EXOC3: variants seen among roughly 807,000 people sequenced by gnomAD.
EXOC3 encodes exocyst complex component 3.
Under a neutral mutation model 73.7 loss-of-function variants are expected in EXOC3, and 21 were observed. The ratio of observed to expected loss-of-function variants is 0.29; its 90% CI spans 0.20 to 0.41. EXOC3 has a LOEUF of 0.41. EXOC3 is among the 10% of genes least tolerant of loss of function. EXOC3 has a pLI of 1.00. For synonymous variants in EXOC3, 410 were observed against 389.1 expected (o/e 1.05, Z -0.63); for missense variants, 842 against 985.1 (o/e 0.85, Z 1.95).
rs1738171735 is a variant in EXOC3, at chr5:466,981, G to A, written c.*83G>A. On this transcript the variant is annotated 3_prime_UTR_variant, in exon 13 of 13. Coordinates refer to ENST00000512944, the MANE Select transcript of EXOC3 (RefSeq NM_007277.5). ...GCGGGACAGCTGATTGCTCTCCTTG[G>A]CCACACGTGCTCCTTTTAGCTGCAC... is the stretch of plus-strand genomic sequence containing the variant. 1 of 1,348,250 alleles carries A rather than the reference G, an allele frequency of 7.4e-7. No homozygotes were observed. Among genetic ancestry groups the A allele is most frequent in the Non-Finnish European group, 1.0e-6 (1 of 982,624 alleles). The allele number at this position is 1,348,250 out of a possible 1,614,324, so 83.5% of individuals were successfully genotyped here. A position where few individuals can be genotyped will look rare whatever the true frequency, so the allele number is the denominator to read the frequency against.
chr5:466,779 A>G lies in EXOC3; in HGVS notation c.2119A>G (p.Met707Val), dbSNP rs1738165364. ...LAVRGDASRD[M>V]KQTIMETLEQ... ...TGTGCGTGGGGACGCCAGCCGTGAC[A>G]TGAAGCAGACCATCATGGAGACCCT... The change falls in exon 13 of 13, where the codon ATG becomes GTG. Residue 707 changes from methionine to valine, a missense_variant. Transcript: ENST00000512944. 1.2e-6 allele frequency: 2 copies of G among 1,613,412 alleles called. No homozygotes were observed. The highest frequency in any genetic ancestry group is 1.3e-5 in the African/African-American group (1 of 75,050).
chr5:466,927 C>G lies in EXOC3; in HGVS notation c.*29C>G. ...CCGCCGGCCTGCCCTGCTCGCCCCTCCACAGCCTCGGTCCCTGCCTTTAGA... is the reference window on the plus strand; with the variant it reads ...CCGCCGGCCTGCCCTGCTCGCCCCTGCACAGCCTCGGTCCCTGCCTTTAGA... On this transcript the variant is annotated 3_prime_UTR_variant, in exon 13 of 13. Transcript: ENST00000512944. 1 of 1,565,930 alleles carries G rather than the reference C, an allele frequency of 6.4e-7. No homozygotes were observed. The highest frequency in any genetic ancestry group is 8.7e-7 in the Non-Finnish European group (1 of 1,154,666).
At chr5:466,289 G>A (rs911474279) in intron 12 of EXOC3, 1 of 242,258 alleles carries the variant, frequency 4.1e-6, no homozygotes, top group Non-Finnish European at 8.0e-6. Context: ...CAGGGAAGGG[G>A]ACCCACGCAC....
intron 3 of EXOC3, among the ~76,000 whole-genome samples, chr5:448,934 A>T (rs1031502943): frequency 6.6e-6 from 1 of 152,192 alleles, no homozygotes; most frequent in Non-Finnish European, 1.5e-5. Context: ...CTTCTTGGTG[A>T]CTGTGGGCCG....
At chr5:450,785 G>T (rs1201780195) in intron 3 of EXOC3, among the ~76,000 whole-genome samples, 1 of 148,316 alleles carries the variant, frequency 6.7e-6, no homozygotes, top group African/African-American at 2.5e-5. Context: ...CCTTCTTTGT[G>T]ACTAGTTTTT....
At chr5:445,638 G>A (rs1579730918) in intron 1 of EXOC3, among the ~76,000 whole-genome samples, 1 of 152,242 alleles carries the variant, frequency 6.6e-6, no homozygotes, top group African/African-American at 2.4e-5. Flanking sequence ...ACAGGCGTGA[G>A]CCACCGGGCC....
chr5:461,345 T>C (rs951045557), intron 7 of EXOC3, among the ~76,000 whole-genome samples: 2 of 152,244 alleles, frequency 1.3e-5, no homozygotes, highest in South Asian at 4.1e-4. Flanking sequence ...TCAGGCACGG[T>C]GGCTTACGCC....
At position 458,033 on chromosome 5, in the gene EXOC3, C is replaced by T. The variant is rs747973678; in HGVS notation, c.1290+8C>T. ...CCTGCCATTGTCTTCCAGGTACCAC[C>T]TGCAGGGGACTGGCACAGTTCCGTT... On this transcript the variant is annotated splice_region_variant and intron_variant, in intron 6 of 12. Coordinates refer to ENST00000512944, the MANE Select transcript of EXOC3 (RefSeq NM_007277.5). The T allele has an allele frequency of 6.2e-7, 1 of 1,611,542 alleles. No individual in the cohort carries two copies. Among genetic ancestry groups the T allele is most frequent in the Non-Finnish European group, 8.5e-7 (1 of 1,178,710 alleles).
At position 453,801 on chromosome 5, in the gene EXOC3, G is replaced by A. The variant is rs1462077005; in HGVS notation, c.796G>A (p.Asp266Asn). ...CACCAGAATTGAGGGCACACAGGCA[G>A]ATACCAGAGAGTCTGACAAGATGTG... ...VTTRIEGTQADTRESDKMWLV... is the reference protein window; with the variant it reads ...VTTRIEGTQANTRESDKMWLV... Residue 266 changes from aspartate to asparagine, a missense_variant, in exon 4 of 13, where the codon GAT becomes AAT. By Grantham distance (23) the Asp-to-Asn change is conservative. Transcript: ENST00000512944. 1.9e-6 allele frequency: 3 copies of A among 1,613,876 alleles called. No individual in the cohort carries two copies. The highest frequency in any genetic ancestry group is 2.2e-5 in the South Asian group (2 of 91,092).
chr5:466,578 C>G lies in EXOC3; in HGVS notation c.2067-149C>G. On this transcript the variant is annotated intron_variant, in intron 12 of 12. Coordinates refer to ENST00000512944, the MANE Select transcript of EXOC3 (RefSeq NM_007277.5). The stretch of plus-strand genomic sequence containing the variant: ...GTAAGATGAAAATGCAGGCTTGTCT[C>G]CCGCTGAAAAGGGAAAGGTGCAATT... The G allele has an allele frequency of 6.1e-6, 4 of 660,006 alleles. No homozygotes were observed. In the South Asian group the frequency reaches 8.7e-5, roughly 14 times the overall value. The allele number at this position is 660,006 out of a possible 1,614,324, so 40.9% of individuals were successfully genotyped here. A position where few individuals can be genotyped will look rare whatever the true frequency, so the allele number is the denominator to read the frequency against.
chr5:462,131 G>A (rs1738006275), intron 8 of EXOC3, 26 bp from the exon 9 acceptor site: 1 of 1,613,202 alleles, frequency 6.2e-7, no homozygotes, highest in Non-Finnish European at 8.5e-7. Flanking sequence ...CAGCCGCTGT[G>A]TTGAACCTGA....
At chr5:447,223 C>G (rs1737534310) in intron 2 of EXOC3, 1 of 249,804 alleles carries the variant, frequency 4.0e-6, no homozygotes, top group East Asian at 8.4e-5. Context: ...CGTAGCAGGC[C>G]ACGGCCCAGG....
At chr5:463,038 G>C (rs1738035303) in intron 9 of EXOC3, among the ~76,000 whole-genome samples, 1 of 152,196 alleles carries the variant, frequency 6.6e-6, no homozygotes, top group Admixed American at 6.5e-5. Flanking sequence ...CCGGGAGGTG[G>C]AGGTTGCAGT....
chr5:465,619 G>A, intron 11 of EXOC3, 99 bp from the exon 12 acceptor site: 2 of 1,459,126 alleles, frequency 1.4e-6, no homozygotes, highest in Non-Finnish European at 1.9e-6. Flanking sequence ...CAGGTGAAGA[G>A]GGAGGTTCCC....
rs201561285 is a variant in EXOC3, at chr5:446,269, C to A, written c.64C>A (p.Arg22Ser). 1 of 1,613,836 alleles carries A rather than the reference C, an allele frequency of 6.2e-7. No homozygotes were observed. The highest frequency in any genetic ancestry group is 1.7e-5 in the Admixed American group (1 of 60,004). The change falls in exon 2 of 13, where the codon CGC becomes AGC. Residue 22 changes from arginine to serine, a missense_variant. By Grantham distance (110) the Arg-to-Ser change is moderately radical. Coordinates refer to ENST00000512944, the MANE Select transcript of EXOC3 (RefSeq NM_007277.5). ...AVQRVAGMLQ[R>S]PDQLDKVEQY... is the part of the protein sequence containing the mutation. ...GCAAAGGGTTGCTGGGATGCTCCAG[C>A]GCCCGGACCAGCTGGACAAGGTGGA... is the stretch of plus-strand genomic sequence containing the variant.
rs369980106 is a variant in EXOC3 at position 446,195 on chromosome 5, G to C, written c.-11G>C. On this transcript the variant is annotated 5_prime_UTR_variant, in exon 2 of 13. Coordinates refer to ENST00000512944, the MANE Select transcript of EXOC3 (RefSeq NM_007277.5). ...CATGAACAGTGTGAGGATTCCACCA[G>C]CTTTTTCACCATGAAGGAGACAGAC... The C allele has an allele frequency of 1.3e-4, 214 of 1,613,934 alleles. No homozygotes were observed. Among genetic ancestry groups the C allele is most frequent in the Non-Finnish European group, 1.7e-4 (204 of 1,179,854 alleles).
intron 7 of EXOC3, among the ~76,000 whole-genome samples, chr5:460,693 A>G (rs942344350): frequency 6.6e-6 from 1 of 151,882 alleles, no homozygotes; most frequent in Admixed American, 6.6e-5. Flanking sequence ...CCAAGTCCCC[A>G]TTGGCCTTCT....
Position 456,979 on chromosome 5 carries a change from G to C in EXOC3, c.1137G>C (p.Leu379=). ...PLLSPHVVSE[L]LDTYMSTLTS... ...TTTCTCCACACGTGGTCTCTGAGCT[G>C]CTTGACACGTACATGTCCACGCTCA... Residue 379 remains leucine (L), a synonymous_variant, in exon 5 of 13, where the codon CTG becomes CTC. Coordinates refer to ENST00000512944, the MANE Select transcript of EXOC3 (RefSeq NM_007277.5). 6.2e-7 allele frequency: 1 copy of C among 1,613,880 alleles called. No homozygotes were observed. Among genetic ancestry groups the C allele is most frequent in the African/African-American group, 1.3e-5 (1 of 75,074 alleles).
chr5:464,989 G>A, intron 10 of EXOC3, 122 bp from the exon 11 acceptor site: 1 of 1,014,934 alleles, frequency 9.9e-7, no homozygotes, highest in South Asian at 1.7e-5. Context: ...CCGTGGCGGA[G>A]CGAGGAGGAG....
Sources: allele counts gnomAD v4.1 joint callset (sites outside exome capture counted in the v4.1 genomes callset), GRCh38; gene constraint gnomAD v4.1.1; transcripts MANE v1.5; gene names NCBI Gene and HGNC (gene_info 2026-07-23, HGNC 2026-07-21).